Variants in SURF4 observed in about 807,000 individuals in gnomAD.
SURF4 encodes the protein surfeit locus protein 4.
SURF4 carries 3 observed loss-of-function variants against 30.0 expected under a neutral mutation model. The observed-to-expected ratio is 0.10, with a 90% CI of 0.05 to 0.26. The LOEUF (loss-of-function observed/expected upper bound fraction) is 0.26, where lower values mean the gene tolerates loss of function less well. Ranked by LOEUF, SURF4 falls within the 10% of genes least tolerant of loss-of-function variation. The probability of loss-of-function intolerance (pLI) is 1.00; values close to 1 mark genes in which losing one functional copy is unlikely to be tolerated. For missense variants in SURF4, 217 were observed against 350.8 expected, an observed-to-expected ratio of 0.62 and a Z score of 3.05; for synonymous variants, 143 against 139.9, an observed-to-expected ratio of 1.02 and a Z score of -0.16.
At chr9:133,376,277 C>G, upstream of SURF4, 1 of 1,316,052 alleles carries the variant, frequency 7.6e-7, no homozygotes, top group Non-Finnish European at 9.6e-7. Context: ...GCGCGCAGGC[C>G]CTGCGGTCCC....
chr9:133,377,914 G>C (rs1180967933), upstream of SURF4, among the ~76,000 whole-genome samples: 1 of 152,198 alleles, frequency 6.6e-6, no homozygotes, highest in Non-Finnish European at 1.5e-5. Context: ...CTCTCGGGAT[G>C]ATGGGAGACA....
At chr9:133,367,648 C>G in intron 1 of SURF4, 1 of 1,386,376 alleles carries the variant, frequency 7.2e-7, no homozygotes, top group Non-Finnish European at 9.6e-7. Flanking sequence ...TGGACACATG[C>G]AACAATCCAA....
rs1252472265 is a variant in SURF4 at position 133,363,250 on chromosome 9, G to C, written c.*243C>G. On this transcript the variant is annotated 3_prime_UTR_variant, in exon 6 of 6. Transcript: ENST00000371989. The surrounding 1 kb of genome is among the most constrained non-coding windows in gnomAD (Gnocchi z 4.3). ...TGTTCACTCCAAAGCCTCGGCGTGG[G>C]GGAGGCTTCCAGCTGCCAGGCTGGC... The C allele has an allele frequency of 2.9e-6, 2 of 700,970 alleles. No individual in the cohort carries two copies. Among genetic ancestry groups the C allele is most frequent in the African/African-American group, 3.6e-5 (2 of 56,194 alleles). The allele number at this position is 700,970 out of a possible 1,614,324, so 43.4% of individuals were successfully genotyped here.
chr9:133,376,411 C>G, upstream of SURF4: 2 of 1,475,830 alleles, frequency 1.4e-6, no homozygotes, highest in Non-Finnish European at 1.8e-6. Context: ...CCCGCGGGTC[C>G]CACTGACCCA....
At chr9:133,368,603 G>A (rs2130161147) in intron 1 of SURF4, among the ~76,000 whole-genome samples, 2 of 152,222 alleles carry the variant, frequency 1.3e-5, no homozygotes, top group East Asian at 1.9e-4. Flanking sequence ...GCAATGAAAC[G>A]CAAGTGTGTG....
In SURF4 at chr9:133,375,647, G is replaced by A. The variant is rs1837856415; in HGVS notation, c.48+275C>T. On this transcript the variant is annotated intron_variant, in intron 1 of 5. Transcript: ENST00000371989. The stretch of plus-strand genomic sequence containing the variant: ...CCGGGAAGAAACCCCCACAGCCCGC[G>A]CCCCGGGCTGGCTGGAGGGTGGGGG... 2.0e-5 allele frequency among the ~76,000 whole-genome samples: 3 copies of A among 152,140 alleles called. No individual in the cohort carries two copies. In the South Asian group the frequency reaches 6.2e-4, roughly 31 times the overall value.
chr9:133,375,298 T>C, intron 1 of SURF4: 1 of 985,544 alleles, frequency 1.0e-6, no homozygotes, highest in Non-Finnish European at 1.2e-6. Flanking sequence ...CCAGGCTGTG[T>C]ACAGGTCCCC....
intron 1 of SURF4, among the ~76,000 whole-genome samples, chr9:133,368,098 C>A (rs146419962): frequency 6.6e-6 from 1 of 152,236 alleles, no homozygotes; most frequent in Non-Finnish European, 1.5e-5. Context: ...TTAAACCCAG[C>A]GGGAAGGGGT....
At chr9:133,376,482 G>C (rs201942089), upstream of SURF4, 2 of 1,591,348 alleles carry the variant, frequency 1.3e-6, no homozygotes, top group Non-Finnish European at 1.7e-6. Flanking sequence ...TCATGCTTGG[G>C]CCAGGGTCCA....
rs2130110102 is a variant in SURF4 at position 133,364,846 on chromosome 9, G to A, written c.537C>T (p.Phe179=). The A allele has an allele frequency of 1.9e-6, 3 of 1,614,104 alleles. No homozygotes were observed. In the Admixed American group the frequency reaches 5.0e-5, roughly 27 times the overall value. ...GGCAAGTAGGAATACTTACAGAAAA[G>A]AAGCTGGCGTCAAAGTGAAGGAGGG... is the stretch of plus-strand genomic sequence containing the variant. The part of the protein sequence containing the change: ...FMTLLHFDAS[F]FSIVQNIVGT... The change falls in exon 5 of 6, where the codon TTC becomes TTT. Residue 179 remains phenylalanine (F), a synonymous_variant. Coordinates refer to ENST00000371989, the MANE Select transcript of SURF4 (RefSeq NM_033161.4).
At chr9:133,371,827 C>T (rs1837525279) in intron 1 of SURF4, among the ~76,000 whole-genome samples, 1 of 152,174 alleles carries the variant, frequency 6.6e-6, no homozygotes, top group South Asian at 2.1e-4. Flanking sequence ...CTTGCTTCCC[C>T]AGCACTTCAA....
intron 5 of SURF4, among the ~76,000 whole-genome samples, chr9:133,364,345 A>C (rs1368168935): frequency 6.6e-6 from 1 of 152,236 alleles, no homozygotes; most frequent in Non-Finnish European, 1.5e-5. Flanking sequence ...GCTGGAAAGA[A>C]GGCTTGACAC....
At chr9:133,375,319 G>A (rs1001337394) in intron 1 of SURF4, 1 of 985,122 alleles carries the variant, frequency 1.0e-6, no homozygotes, top group African/African-American at 1.8e-5. Flanking sequence ...ACTCAATCCA[G>A]CCCAGGGCAG....
At chr9:133,367,071 G>A (rs993786522) in intron 2 of SURF4, among the ~76,000 whole-genome samples, 188 bp downstream of exon 2, 3 of 152,218 alleles carry the variant, frequency 2.0e-5, no homozygotes, top group African/African-American at 7.2e-5. Flanking sequence ...CTCAGGGCTA[G>A]AGACTAAGCG....
At chr9:133,367,504 G>T in intron 1 of SURF4, 59 bp from the exon 2 acceptor site, 1 of 1,603,564 alleles carries the variant, frequency 6.2e-7, no homozygotes, top group Non-Finnish European at 8.5e-7. Flanking sequence ...CCAGGCCGCT[G>T]CCAGGCACGT....
At chr9:133,370,909 A>G in intron 1 of SURF4, 1 of 1,289,806 alleles carries the variant, frequency 7.8e-7, no homozygotes, top group South Asian at 1.2e-5. Flanking sequence ...AGTCTCTCCG[A>G]GAACCGCGCC....
chr9:133,375,518 C>T, intron 1 of SURF4: 2 of 698,632 alleles, frequency 2.9e-6, no homozygotes, highest in Non-Finnish European at 3.5e-6. Context: ...TCCGGGAGCC[C>T]CAGTGAGAGG....
At chr9:133,376,493 A>G (rs2130248529), upstream of SURF4, 4 of 1,595,660 alleles carry the variant, frequency 2.5e-6, no homozygotes, top group African/African-American at 2.7e-5. Context: ...CCAGGGTCCA[A>G]TCGCAGGCGC....
Position 133,370,975 on chromosome 9 carries a change from G to A in SURF4, c.49-3530C>T, listed in dbSNP as rs1837473624. The A allele has an allele frequency of 2.3e-6, 3 of 1,289,044 alleles. No individual in the cohort carries two copies. In the Admixed American group the frequency reaches 6.9e-5, roughly 30 times the overall value. 79.9% of individuals were successfully genotyped at this position (1,289,044 alleles called of 1,614,324 possible). ...CAGCATCTGAGGGGCTTAACAGGAA[G>A]ACTGATATTTCTCTCAAAGGGGTGG... On this transcript the variant is annotated intron_variant, in intron 1 of 5. Transcript: ENST00000371989.
Sources: allele counts gnomAD v4.1 joint callset (sites outside exome capture counted in the v4.1 genomes callset), GRCh38; gene constraint gnomAD v4.1.1; non-coding constraint Gnocchi (gnomAD v3.1); transcripts MANE v1.5; gene names NCBI Gene and HGNC (gene_info 2026-07-23, HGNC 2026-07-21).